The following HDAC8 variants were observed in gnomAD, a reference collection of about 807,000 sequenced individuals.
HDAC8 encodes the protein histone deacetylase 8.
A neutral mutation model predicts 32.2 loss-of-function variants in HDAC8; 1 was observed. The observed-to-expected ratio is 0.03, with a 90% CI of 0.01 to 0.15. The LOEUF (loss-of-function observed/expected upper bound fraction) is 0.15, where lower values mean the gene tolerates loss of function less well. HDAC8 is among the 10% of genes least tolerant of loss of function. The pLI is 1.00. For synonymous variants in HDAC8, 108 were observed against 113.9 expected (o/e 0.95, Z 0.33); for missense variants, 117 against 300.0 (o/e 0.39, Z 4.51).
chrX:72,527,148 C>T (rs191046814), intron 4 of HDAC8, among the ~76,000 whole-genome samples: 1 of 112,022 alleles, frequency 8.9e-6, no homozygotes, highest in African/African-American at 3.2e-5. Flanking sequence ...TGCCACTGAC[C>T]CAAACTTTCT....
At position 72,491,456 on chromosome X, in the gene HDAC8, C is replaced by T. The variant is rs369936410; in HGVS notation, c.551-450G>A. Among the ~76,000 whole-genome samples, 15 of 112,187 alleles carry T rather than the reference C, an allele frequency of 1.3e-4. 1 individual carries two copies. In the East Asian group the frequency reaches 1.9e-3, roughly 15 times the overall value. ...TGGGATTTTTTCCAAAGACGTACAA[C>T]GTGATAACCCTTTGAAAAATATGAC... On this transcript the variant is annotated intron_variant, in intron 5 of 10. Transcript: ENST00000373573.
At chrX:72,496,710 C>CA (rs1381078237) in intron 4 of HDAC8, among the ~76,000 whole-genome samples, 1 of 103,510 alleles carries the variant, frequency 9.7e-6, no homozygotes, top group Non-Finnish European at 2.0e-5. Flanking sequence ...AGGAAGAGTA[C>CA]AAATCAATAC....
intron 4 of HDAC8, among the ~76,000 whole-genome samples, chrX:72,519,584 G>A (rs2049918500): frequency 9.0e-6 from 1 of 111,303 alleles, no homozygotes; most frequent in Non-Finnish European, 1.9e-5. Flanking sequence ...TGCCTATTAG[G>A]CCATTTATAA....
At chrX:72,570,934 T>C (rs1485923240) in intron 2 of HDAC8, among the ~76,000 whole-genome samples, 1 of 112,170 alleles carries the variant, frequency 8.9e-6, no homozygotes, top group Non-Finnish European at 1.9e-5. Context: ...TTTTGTTTGT[T>C]TGTTTTTTGA....
chrX:72,441,503 A>C lies in HDAC8; in HGVS notation c.1005+20501T>G, dbSNP rs782369716. Among the ~76,000 whole-genome samples the C allele has an allele frequency of 2.8e-3, 314 of 112,112 alleles. 1 individual carries two copies. The highest frequency in any genetic ancestry group is 0.01 in the African/African-American group (309 of 30,867). ...TGTCTGTTAGGAGGAAAACTAACAA[A>C]CAGAAAGGACATCCACACCAAAAAC... is the stretch of plus-strand genomic sequence containing the variant. On this transcript the variant is annotated intron_variant, in intron 9 of 10. Coordinates refer to ENST00000373573, the MANE Select transcript of HDAC8 (RefSeq NM_018486.3).
At chrX:72,460,108 G>A (rs2047826584) in intron 9 of HDAC8, among the ~76,000 whole-genome samples, 1 of 111,806 alleles carries the variant, frequency 8.9e-6, no homozygotes, top group Admixed American at 9.5e-5. Flanking sequence ...GAAGTGAGCA[G>A]CATGCAAAGA....
At chrX:72,410,335 T>TCA (rs2147896202) in intron 9 of HDAC8, among the ~76,000 whole-genome samples, 1 of 110,489 alleles carries the variant, frequency 9.1e-6, no homozygotes, top group East Asian at 2.9e-4. Flanking sequence ...CAGAGAGCAG[T>TCA]CACAATAACC....
intron 9 of HDAC8, among the ~76,000 whole-genome samples, chrX:72,461,415 C>T (rs2047864900): frequency 8.9e-6 from 1 of 111,747 alleles, no homozygotes; most frequent in African/African-American, 3.3e-5. Flanking sequence ...AACATAAAGC[C>T]CATCTTGTAT....
intron 4 of HDAC8, among the ~76,000 whole-genome samples, chrX:72,529,434 A>T (rs2050260376): frequency 9.0e-6 from 1 of 111,469 alleles, no homozygotes; most frequent in African/African-American, 3.3e-5. Flanking sequence ...GCTAGCTTTG[A>T]AGTTGGAGGA....
chrX:72,509,845 A>G (rs1429901029), intron 4 of HDAC8, among the ~76,000 whole-genome samples: 4 of 110,710 alleles, frequency 3.6e-5, no homozygotes, highest in African/African-American at 1.3e-4. Context: ...AAATTAGTCA[A>G]TTTTCACAGT....
chrX:72,364,915 T>C (rs1282754554), intron 9 of HDAC8, among the ~76,000 whole-genome samples: 2 of 111,944 alleles, frequency 1.8e-5, no homozygotes, highest in Admixed American at 9.5e-5. Context: ...TCCTCATTAC[T>C]TGTTAAACAA....
chrX:72,520,916 A>T (rs1232868930), intron 4 of HDAC8, among the ~76,000 whole-genome samples: 1 of 112,363 alleles, frequency 8.9e-6, no homozygotes, highest in Non-Finnish European at 1.9e-5. Context: ...CATTTCTGGC[A>T]AGAATATTTC....
chrX:72,345,146 G>T (rs782245041), intron 10 of HDAC8, among the ~76,000 whole-genome samples: 1 of 111,610 alleles, frequency 9.0e-6, no homozygotes, highest in African/African-American at 3.3e-5. Flanking sequence ...CAACATGAGG[G>T]GGGTGGGGTT....
chrX:72,488,293 C>T, intron 7 of HDAC8, among the ~76,000 whole-genome samples: 2 of 110,878 alleles, frequency 1.8e-5, no homozygotes, highest in Middle Eastern at 4.6e-3. Context: ...CTTTCTCTGC[C>T]ACCACTTGTG....
intron 5 of HDAC8, among the ~76,000 whole-genome samples, chrX:72,491,523 A>G: frequency 8.9e-6 from 1 of 112,389 alleles, no homozygotes. Context: ...ACCTAATTAT[A>G]AAGTGCCTTT....
chrX:72,506,538 A>G (rs1443371350), intron 4 of HDAC8, among the ~76,000 whole-genome samples: 1 of 111,389 alleles, frequency 9.0e-6, no homozygotes, highest in Admixed American at 9.5e-5. Flanking sequence ...GAGAATAAAA[A>G]CTCACTCACT....
At chrX:72,518,166 T>C (rs1172919960) in intron 4 of HDAC8, among the ~76,000 whole-genome samples, 1 of 111,811 alleles carries the variant, frequency 8.9e-6, no homozygotes, top group Non-Finnish European at 1.9e-5. Flanking sequence ...AAGTATACAA[T>C]TCAATGATTT....
chrX:72,532,664 T>A (rs2050389162), intron 4 of HDAC8, among the ~76,000 whole-genome samples: 1 of 110,385 alleles, frequency 9.1e-6, no homozygotes, highest in African/African-American at 3.3e-5. Flanking sequence ...TACTTGTATA[T>A]CTTTTTTTGA....
chrX:72,538,330 C>T lies in HDAC8; in HGVS notation c.437+29559G>A, dbSNP rs181649295. 5.3e-3 allele frequency among the ~76,000 whole-genome samples: 577 copies of T among 109,657 alleles called. 1 individual carries two copies. The highest frequency in any genetic ancestry group is 0.017 in the African/African-American group (516 of 30,118). On this transcript the variant is annotated intron_variant, in intron 4 of 10. Transcript: ENST00000373573. Reference sequence around the variant, plus strand: ...TCCCGAGTAGCTGGGATTACAGGTGCGCACCACCACACCTGGTTAATTTTT... The same window carrying T: ...TCCCGAGTAGCTGGGATTACAGGTGTGCACCACCACACCTGGTTAATTTTT...
Sources: gnomAD v4.1 joint callset for allele counts (sites outside exome capture counted in the v4.1 genomes callset) on GRCh38, gnomAD v4.1.1 for gene constraint, MANE v1.5 for transcripts, NCBI Gene and HGNC (gene_info 2026-07-23, HGNC 2026-07-21) for gene names.